MRPL32: variants seen among roughly 807,000 people sequenced by gnomAD.
The protein encoded by MRPL32 is large ribosomal subunit protein bL32m.
A neutral mutation model predicts 21.7 loss-of-function variants in MRPL32; 14 were observed. That is an observed-to-expected ratio of 0.64 (90% CI 0.43 to 1.01). MRPL32 has a LOEUF of 1.01. Ranked by LOEUF, MRPL32 falls within the 50% of genes least tolerant of loss-of-function variation. MRPL32 has a pLI of 0.00. For synonymous variants in MRPL32, 83 were observed against 87.7 expected (o/e 0.95, Z 0.30); for missense variants, 211 against 235.9 (o/e 0.89, Z 0.69).
chr7:42,937,527 G>A lies in MRPL32; in HGVS notation c.518G>A (p.Arg173Lys), dbSNP rs753687631. Residue 173 changes from arginine to lysine, a missense_variant, in exon 3 of 3, where the codon AGG (arginine) becomes AAG (lysine). Around this residue, in one of 2 missense-constraint regions of MRPL32, gnomAD observed 130 missense variants for 180.1 expected, o/e 0.72. Transcript: ENST00000223324. Reference protein sequence around the residue: ...ETPSEQDQGKRIIERDRKRPS... With the variant: ...ETPSEQDQGKKIIERDRKRPS... The stretch of plus-strand genomic sequence containing the variant: ...CCGTCTGAACAAGATCAGGGCAAGA[G>A]GATCATTGAACGAGACAGAAAGCGA... 36 of 1,613,746 alleles carry A rather than the reference G, an allele frequency of 2.2e-5. 1 individual carries two copies. The highest frequency in any genetic ancestry group is 8.5e-7 in the Non-Finnish European group (1 of 1,179,892).
intron 1 of MRPL32, among the ~76,000 whole-genome samples, 185 bp downstream of exon 1, chr7:42,932,701 C>CAA (rs148378814): frequency 8.9e-4 from 120 of 134,642 alleles, no homozygotes; most frequent in African/African-American, 3.2e-3. Context: ...CCCTCCACCG[C>CAA]AAAAAAAAAA....
chr7:42,932,956 T>G (rs1291791020), intron 1 of MRPL32, among the ~76,000 whole-genome samples: 1 of 151,894 alleles, frequency 6.6e-6, no homozygotes, highest in Non-Finnish European at 1.5e-5. Context: ...TATAGTGAAG[T>G]CAGTGCAAAT....
intron 2 of MRPL32, chr7:42,935,745 A>T (rs1301592171): frequency 6.6e-6 from 1 of 152,154 alleles, no homozygotes; most frequent in Non-Finnish European, 1.5e-5. Context: ...GGCAAAAAGA[A>T]TTTGCCTGTG....
chr7:42,934,450 T>C (rs1209777670), intron 1 of MRPL32, among the ~76,000 whole-genome samples: 2 of 152,176 alleles, frequency 1.3e-5, no homozygotes, highest in African/African-American at 2.4e-5. Flanking sequence ...TTAAATGTTA[T>C]GAGGAACTAA....
At chr7:42,934,519 A>G (rs903192186) in intron 1 of MRPL32, among the ~76,000 whole-genome samples, 20 of 152,210 alleles carry the variant, frequency 1.3e-4, no homozygotes, top group African/African-American at 4.6e-4. Flanking sequence ...AGAAAAGGCA[A>G]TTGGCAGTTA....
chr7:42,934,939 ATGTTT>A lies in MRPL32; in HGVS notation c.131-14_131-10del. The A allele has an allele frequency of 6.5e-7, 1 of 1,537,698 alleles. No homozygotes were observed. Among genetic ancestry groups the A allele is most frequent in the Non-Finnish European group, 8.7e-7 (1 of 1,145,488 alleles). Reference sequence around the variant, plus strand: ...GCTAGAAACTAATTCTGTATCTCTTATGTTTTATTTCCTAGGACCAGCATTAGCAG... The same window carrying A: ...GCTAGAAACTAATTCTGTATCTCTTATATTTCCTAGGACCAGCATTAGCAG... On this transcript the variant is annotated splice_polypyrimidine_tract_variant and intron_variant, in intron 1 of 2. Transcript: ENST00000223324.
intron 2 of MRPL32, chr7:42,936,047 G>A (rs1786417519): frequency 6.6e-6 from 1 of 152,216 alleles, no homozygotes; most frequent in Non-Finnish European, 1.5e-5. Context: ...ACTTTCATAA[G>A]CATCCACATT....
chr7:42,935,035 CT>C lies in MRPL32; in HGVS notation c.215del (p.Leu72TrpfsTer36). 1 of 1,614,042 alleles carries C rather than the reference CT, an allele frequency of 6.2e-7. No homozygotes were observed. The highest frequency in any genetic ancestry group is 1.1e-5 in the South Asian group (1 of 91,070). ...DTSGSKENSS[L>X]LDSIFWMAAP... ...CAGTGGAAGTAAAGAGAATTCCAGCCTTTTGGACAGTATCTTTTGGATGGCA... is the reference window on the plus strand; with the variant it reads ...CAGTGGAAGTAAAGAGAATTCCAGCCTTTGGACAGTATCTTTTGGATGGCA... On this transcript the variant is annotated frameshift_variant, in exon 2 of 3. Transcript: ENST00000223324. LOFTEE classifies it high-confidence loss of function.
chr7:42,936,688 C>CTATATCTATCTATA (rs1562706618), intron 2 of MRPL32: 2 of 147,780 alleles, frequency 1.4e-5, no homozygotes, highest in Non-Finnish European at 3.0e-5. Flanking sequence ...ATATCTATCT[C>CTATATCTATCTATA]TATATATATA....
rs758077712 is a variant in MRPL32 at position 42,932,403 on chromosome 7, T to C, written c.17T>C (p.Leu6Pro). 10 of 1,609,682 alleles carry C rather than the reference T, an allele frequency of 6.2e-6. No homozygotes were observed. The highest frequency in any genetic ancestry group is 7.6e-6 in the Non-Finnish European group (9 of 1,177,234). Residue 6 changes from leucine (L) to proline (P), a missense_variant, in exon 1 of 3, where the codon CTG becomes CCG. Transcript: ENST00000223324. MALAMLVLVVSPWSAA... is the reference protein window; with the variant it reads MALAMPVLVVSPWSAA... Reference sequence around the variant, plus strand: ...GCAGGGAAAATGGCGCTGGCCATGCTGGTCTTGGTGGTTTCGCCGTGGTCT... The same window carrying C: ...GCAGGGAAAATGGCGCTGGCCATGCCGGTCTTGGTGGTTTCGCCGTGGTCT...
intron 1 of MRPL32, among the ~76,000 whole-genome samples, chr7:42,933,614 A>C (rs921496525): frequency 1.3e-5 from 2 of 152,048 alleles, no homozygotes; most frequent in Non-Finnish European, 2.9e-5. Flanking sequence ...TTTTAATTGG[A>C]AGTATCTTGG....
chr7:42,935,855 G>C lies in MRPL32; in HGVS notation c.312+719G>C, dbSNP rs1253493728. 3 of 152,082 alleles carry C rather than the reference G, an allele frequency of 2.0e-5. No individual in the cohort carries two copies. The East Asian group carries it at 5.8e-4, about 29-fold the overall frequency. 9.4% of individuals were successfully genotyped at this position (152,082 alleles called of 1,614,324 possible). A position where few individuals can be genotyped will look rare whatever the true frequency, so the allele number is the denominator to read the frequency against. On this transcript the variant is annotated intron_variant, in intron 2 of 2. Coordinates refer to ENST00000223324, the MANE Select transcript of MRPL32 (RefSeq NM_031903.3). ...GTTCTCCTATCCTCAGACAATTTCA[G>C]ATTCTCCTCGCTGACAACATGGATG...
intron 1 of MRPL32, 45 bp downstream of exon 1, chr7:42,932,561 C>T (rs767179909): frequency 1.3e-6 from 2 of 1,544,382 alleles, no homozygotes; most frequent in South Asian, 2.3e-5. Context: ...GATGACGGGA[C>T]CTCGGGCAGC....
chr7:42,934,626 G>A (rs1562705821), intron 1 of MRPL32, among the ~76,000 whole-genome samples: 1 of 152,158 alleles, frequency 6.6e-6, no homozygotes, highest in Non-Finnish European at 1.5e-5. Flanking sequence ...ATAGAATGTG[G>A]ACAGTTGAGT....
At chr7:42,935,280 C>A in intron 2 of MRPL32, 144 bp downstream of exon 2, 1 of 652,690 alleles carries the variant, frequency 1.5e-6, no homozygotes, top group Non-Finnish European at 2.6e-6. Flanking sequence ...ACAGTATTCT[C>A]ATTATATACA....
chr7:42,937,410 C>G lies in MRPL32; in HGVS notation c.401C>G (p.Thr134Ser). 1 of 1,614,168 alleles carries G rather than the reference C, an allele frequency of 6.2e-7. No homozygotes were observed. The highest frequency in any genetic ancestry group is 8.5e-7 in the Non-Finnish European group (1 of 1,180,028). ...AYCYEKVCKE[T>S]AEIRRQIGKQ... ...TGCTATGAAAAGGTGTGCAAGGAGA[C>G]TGCAGAAATCAGACGACAGATAGGG... The change falls in exon 3 of 3, where the codon ACT (threonine) becomes AGT (serine). Residue 134 changes from threonine to serine, a missense_variant. Physicochemically the swap from Thr to Ser is moderately conservative, Grantham distance 58. Transcript: ENST00000223324.
chr7:42,932,679 T>G (rs2128675641), intron 1 of MRPL32, among the ~76,000 whole-genome samples, 163 bp downstream of exon 1: 1 of 129,520 alleles, frequency 7.7e-6, no homozygotes, highest in South Asian at 2.7e-4. Flanking sequence ...ACAGAACGAC[T>G]GTTTTTGCGC....
chr7:42,932,644 T>C, intron 1 of MRPL32, 128 bp downstream of exon 1: 1 of 986,150 alleles, frequency 1.0e-6, no homozygotes, highest in Non-Finnish European at 1.4e-6. Context: ...GGGACGTAGT[T>C]CGTGACATTC....
intron 2 of MRPL32, chr7:42,936,808 C>A: frequency 1.7e-5 from 3 of 171,474 alleles, no homozygotes; most frequent in Admixed American, 5.7e-5. Flanking sequence ...AAAATTATAC[C>A]ATATACGAAA....
Sources: gnomAD v4.1 joint callset for allele counts (sites outside exome capture counted in the v4.1 genomes callset) on GRCh38, gnomAD v4.1.1 for gene constraint, gnomAD v4.1.1 regional missense constraint, MANE v1.5 for transcripts, NCBI Gene and HGNC (gene_info 2026-07-23, HGNC 2026-07-21) for gene names.